Variants in MUCL1 observed in about 807,000 individuals in gnomAD.
MUCL1 encodes the protein mucin like 1.
MUCL1 carries 11 observed loss-of-function variants against 9.2 expected under a neutral mutation model. The ratio of observed to expected loss-of-function variants is 1.19; its 90% CI spans 0.75 to 1.97. The LOEUF (loss-of-function observed/expected upper bound fraction) is 1.97, where lower values mean the gene tolerates loss of function less well. MUCL1 is among the 30% of genes most tolerant of loss of function. The probability of loss-of-function intolerance (pLI) is 0.00; values close to 1 mark genes in which losing one functional copy is unlikely to be tolerated. For synonymous variants in MUCL1, 48 were observed against 40.5 expected, an observed-to-expected ratio of 1.19 and a Z score of -0.71; for missense variants, 144 against 110.9, an observed-to-expected ratio of 1.30 and a Z score of -1.34.
rs1041266979 is a variant in MUCL1 at position 54,858,325 on chromosome 12, C to T, written c.*83C>T. 6.3e-5 allele frequency: 93 copies of T among 1,465,664 alleles called. No homozygotes were observed. Among genetic ancestry groups the T allele is most frequent in the African/African-American group, 2.1e-4 (15 of 71,978 alleles). 90.8% of individuals were successfully genotyped at this position (1,465,664 alleles called of 1,614,324 possible). ...TTCATCCAACTACTTACCTTGCCTA[C>T]GATATCCCCTTTATCTCTAATCAGT... On this transcript the variant is annotated 3_prime_UTR_variant, in exon 4 of 4. Coordinates refer to ENST00000308796, the MANE Select transcript of MUCL1 (RefSeq NM_058173.3).
chr12:54,835,932 C>T (rs911478644), upstream of MUCL1, among the ~76,000 whole-genome samples: 3 of 152,070 alleles, frequency 2.0e-5, no homozygotes, highest in African/African-American at 7.2e-5. Flanking sequence ...GGATGAAACC[C>T]GCTTGATCAT....
chr12:54,850,392 G>T (rs1007831172), upstream of MUCL1, among the ~76,000 whole-genome samples: 3 of 146,782 alleles, frequency 2.0e-5, no homozygotes, highest in African/African-American at 7.7e-5. Context: ...TGCCACCTAT[G>T]AGTGAGAACA....
chr12:54,848,568 A>C (rs1021456205), intron 1 of MUCL1, among the ~76,000 whole-genome samples: 3 of 152,232 alleles, frequency 2.0e-5, no homozygotes, highest in African/African-American at 7.2e-5. Flanking sequence ...ATAAGTTAAT[A>C]TTTCGTATAT....
At chr12:54,853,778 G>C (rs966452722), upstream of MUCL1, among the ~76,000 whole-genome samples, 7 of 151,946 alleles carry the variant, frequency 4.6e-5, no homozygotes, top group Admixed American at 2.6e-4. Flanking sequence ...ATTTTTGTGT[G>C]CTTTGTTCGC....
upstream of MUCL1, among the ~76,000 whole-genome samples, chr12:54,834,573 A>G (rs1228813476): frequency 6.6e-6 from 1 of 152,100 alleles, no homozygotes; most frequent in African/African-American, 2.4e-5. Flanking sequence ...ACTAATTAGC[A>G]TAACATTCTC....
intron 1 of MUCL1, among the ~76,000 whole-genome samples, chr12:54,841,628 T>A (rs1399235446): frequency 6.6e-6 from 1 of 152,210 alleles, no homozygotes; most frequent in African/African-American, 2.4e-5. Flanking sequence ...TTGTTGGCTA[T>A]GTGTATGTGT....
At chr12:54,852,856 A>G (rs544369223), upstream of MUCL1, among the ~76,000 whole-genome samples, 3 of 151,784 alleles carry the variant, frequency 2.0e-5, no homozygotes, top group East Asian at 3.9e-4. Flanking sequence ...TCTCTTTTAA[A>G]TATTTCTCTT....
chr12:54,854,527 T>G lies in MUCL1; in HGVS notation c.-56T>G. 4 of 1,466,940 alleles carry G rather than the reference T, an allele frequency of 2.7e-6. No individual in the cohort carries two copies. The highest frequency in any genetic ancestry group is 3.8e-6 in the Non-Finnish European group (4 of 1,055,196). 90.9% of individuals were successfully genotyped at this position (1,466,940 alleles called of 1,614,324 possible). A position where few individuals can be genotyped will look rare whatever the true frequency, so the allele number is the denominator to read the frequency against. On this transcript the variant is annotated 5_prime_UTR_variant, in exon 1 of 4. Transcript: ENST00000308796. ...GGAATCCTGAAGTCAGCGCCTTGCC[T>G]TCTCTTAGGCTTTGAAGCATTTTTG...
chr12:54,830,760 A>G (rs766836644), exon 1 of MUCL1: 1 of 152,140 alleles, frequency 6.6e-6, no homozygotes, highest in Non-Finnish European at 1.5e-5. Flanking sequence ...CTTGGCCTCC[A>G]TTGGGGGCTC....
At chr12:54,849,482 T>C (rs1959305147) in intron 1 of MUCL1, among the ~76,000 whole-genome samples, 2 of 152,088 alleles carry the variant, frequency 1.3e-5, no homozygotes, top group African/African-American at 4.8e-5. Context: ...AATCTTGTAA[T>C]GGGAAAGAGC....
upstream of MUCL1, among the ~76,000 whole-genome samples, chr12:54,851,759 C>T (rs368392259): frequency 8.9e-4 from 136 of 152,180 alleles, 5 homozygotes; most frequent in Admixed American, 2.2e-3. Flanking sequence ...TCTAGAAAAC[C>T]CCATCGTCTC....
At chr12:54,853,467 A>G (rs551276007), upstream of MUCL1, among the ~76,000 whole-genome samples, 1 of 152,318 alleles carries the variant, frequency 6.6e-6, no homozygotes, top group Admixed American at 6.5e-5. Flanking sequence ...ACCATATTCT[A>G]CATGCACTCA....
upstream of MUCL1, chr12:54,839,347 T>G (rs1385217909): frequency 1.4e-6 from 1 of 700,700 alleles, no homozygotes; most frequent in Admixed American, 2.0e-5. Context: ...ATTTATTTAT[T>G]AATTTTCTCC....
At chr12:54,839,284 T>G (rs1222402550), upstream of MUCL1, 1 of 682,604 alleles carries the variant, frequency 1.5e-6, no homozygotes, top group African/African-American at 1.8e-5. Context: ...CAGGTGGGAT[T>G]GGAATGGTGG....
chr12:54,857,097 C>T (rs141077987), intron 3 of MUCL1, among the ~76,000 whole-genome samples: 8 of 152,088 alleles, frequency 5.3e-5, no homozygotes, highest in Middle Eastern at 3.4e-3. Context: ...ACCAATATTA[C>T]CTGAATGGAT....
Position 54,856,495 on chromosome 12 carries a change from T to C in MUCL1, c.101-275T>C, listed in dbSNP as rs1868300645. Reference sequence around the variant, plus strand: ...ATAGGAACACTCGTGGCCTTGGTCTTTTGTGCTCATACCTGGGACAAAGTA... The same window carrying C: ...ATAGGAACACTCGTGGCCTTGGTCTCTTGTGCTCATACCTGGGACAAAGTA... On this transcript the variant is annotated intron_variant, in intron 2 of 3. Coordinates refer to ENST00000308796, the MANE Select transcript of MUCL1 (RefSeq NM_058173.3). Among the ~76,000 whole-genome samples the C allele has an allele frequency of 2.0e-5, 3 of 152,206 alleles. No individual in the cohort carries two copies. The South Asian group carries it at 6.2e-4, about 31-fold the overall frequency.
chr12:54,845,966 G>T (rs1159785842), intron 1 of MUCL1, among the ~76,000 whole-genome samples: 1 of 151,970 alleles, frequency 6.6e-6, no homozygotes, highest in Non-Finnish European at 1.5e-5. Flanking sequence ...GCATTTAATT[G>T]CCTCATCTCT....
At chr12:54,837,769 CA>C (rs1308549503), upstream of MUCL1, among the ~76,000 whole-genome samples, 6 of 150,850 alleles carry the variant, frequency 4.0e-5, no homozygotes, top group African/African-American at 9.8e-5. Flanking sequence ...ACTCCGTCTC[CA>C]AAAAAACAAA....
chr12:54,856,394 G>C (rs1477776859), intron 2 of MUCL1, among the ~76,000 whole-genome samples: 1 of 152,182 alleles, frequency 6.6e-6, no homozygotes, highest in East Asian at 1.9e-4. Flanking sequence ...GCTGTCTTAG[G>C]TTATTCTGTG....
Sources: gnomAD v4.1 joint callset for allele counts (sites outside exome capture counted in the v4.1 genomes callset) on GRCh38, gnomAD v4.1.1 for gene constraint, MANE v1.5 for transcripts, NCBI Gene and HGNC (gene_info 2026-07-23, HGNC 2026-07-21) for gene names.